DSCAM: variants seen among roughly 807,000 people sequenced by gnomAD.
DSCAM encodes cell adhesion molecule DSCAM.
In DSCAM, 47 loss-of-function variants were observed where a neutral mutation model predicts 217.7. The observed-to-expected ratio is 0.22, with a 90% CI of 0.17 to 0.28. DSCAM has a LOEUF of 0.28. Ranked by LOEUF, DSCAM falls within the 10% of genes least tolerant of loss-of-function variation. DSCAM has a pLI of 1.00. For synonymous variants in DSCAM, 1,056 were observed against 1,015.3 expected (o/e 1.04, Z -0.76); for missense variants, 2,080 against 2,618.3 (o/e 0.79, Z 4.49).
chr21:40,174,340 T>A (rs1476816901), intron 15 of DSCAM, among the ~76,000 whole-genome samples: 1 of 152,154 alleles, frequency 6.6e-6, no homozygotes, highest in African/African-American at 2.4e-5. Flanking sequence ...GTTGGAGCAA[T>A]GAGATTTCCC....
chr21:40,520,853 T>G (rs1375926449), intron 3 of DSCAM, among the ~76,000 whole-genome samples: 1 of 152,114 alleles, frequency 6.6e-6, no homozygotes, highest in Non-Finnish European at 1.5e-5. Context: ...TGTGATGTAG[T>G]GTGTATATAA....
intron 11 of DSCAM, among the ~76,000 whole-genome samples, chr21:40,221,748 A>G (rs1226373678): frequency 6.6e-6 from 1 of 152,178 alleles, no homozygotes; most frequent in Non-Finnish European, 1.5e-5. Flanking sequence ...TGGTCTTCAC[A>G]ATTGTCCGTC....
intron 10 of DSCAM, among the ~76,000 whole-genome samples, chr21:40,286,086 G>A (rs1358951472): frequency 1.3e-5 from 2 of 152,190 alleles, no homozygotes; most frequent in Non-Finnish European, 2.9e-5. Context: ...GTGTGCAGAT[G>A]CACAGGCAGG....
intron 1 of DSCAM, among the ~76,000 whole-genome samples, chr21:40,821,085 T>TAGAGAGATATATATATCTTCAC (rs2091921709): frequency 2.1e-5 from 3 of 146,230 alleles, no homozygotes; most frequent in East Asian, 2.0e-4. Context: ...GATCTTCACA[T>TAGAGAGATATATATATCTTCAC]ATATAGAGAG....
intron 3 of DSCAM, among the ~76,000 whole-genome samples, chr21:40,670,797 G>A (rs2090264557): frequency 6.6e-6 from 1 of 152,164 alleles, no homozygotes; most frequent in Non-Finnish European, 1.5e-5. Context: ...CTATGAACAT[G>A]GGTGTACAAA....
At chr21:40,055,896 C>T (rs896349597) in intron 28 of DSCAM, 56 bp from the exon 29 acceptor site, 2 of 1,300,072 alleles carry the variant, frequency 1.5e-6, no homozygotes, top group Middle Eastern at 3.7e-4. Context: ...TAACATTCTA[C>T]CAACATGCAC....
chr21:40,547,913 C>T (rs562980077), intron 3 of DSCAM, among the ~76,000 whole-genome samples: 5 of 152,306 alleles, frequency 3.3e-5, no homozygotes, highest in Middle Eastern at 3.4e-3. Flanking sequence ...ACAGACACTG[C>T]GCAGTGTCCC....
intron 11 of DSCAM, among the ~76,000 whole-genome samples, chr21:40,239,469 A>G (rs1196032651): frequency 6.6e-6 from 1 of 152,214 alleles, no homozygotes; most frequent in Admixed American, 6.5e-5. Flanking sequence ...AGCAACGATG[A>G]AAGAAGAGGC....
At position 40,387,321 on chromosome 21, in the gene DSCAM, G is replaced by A. The variant is rs2075095862; in HGVS notation, c.509-18076C>T. 2.6e-5 allele frequency among the ~76,000 whole-genome samples: 4 copies of A among 151,546 alleles called. No individual in the cohort carries two copies. In the South Asian group the frequency reaches 8.3e-4, roughly 32 times the overall value. On this transcript the variant is annotated intron_variant, in intron 3 of 32. Transcript: ENST00000400454. ...TTAGTCCTACACAAGTCCTACACAAGAGAAGTCTGCAGAAAAGTACAACTT... is the reference window on the plus strand; with the variant it reads ...TTAGTCCTACACAAGTCCTACACAAAAGAAGTCTGCAGAAAAGTACAACTT...
chr21:40,227,437 G>T (rs1430007468), intron 11 of DSCAM, among the ~76,000 whole-genome samples: 1 of 152,204 alleles, frequency 6.6e-6, no homozygotes, highest in Non-Finnish European at 1.5e-5. Flanking sequence ...CAAGACTGAG[G>T]CTGATAGGAA....
intron 1 of DSCAM, among the ~76,000 whole-genome samples, chr21:40,792,730 A>G (rs2091656995): frequency 6.6e-6 from 1 of 152,142 alleles, no homozygotes; most frequent in South Asian, 2.1e-4. Context: ...AGAGGAGGGG[A>G]CCCACATAGG....
chr21:40,650,511 G>A (rs1007224925), intron 3 of DSCAM, among the ~76,000 whole-genome samples: 6 of 152,230 alleles, frequency 3.9e-5, no homozygotes, highest in South Asian at 4.1e-4. Flanking sequence ...CTTCAGCCAC[G>A]TGGGCTGGCG....
intron 1 of DSCAM, among the ~76,000 whole-genome samples, chr21:40,710,604 A>G (rs1422177640): frequency 6.6e-6 from 1 of 152,136 alleles, no homozygotes; most frequent in Non-Finnish European, 1.5e-5. Flanking sequence ...TCGCTTCTAC[A>G]AGTAAATATC....
chr21:40,626,102 A>G (rs1018660891), intron 3 of DSCAM, among the ~76,000 whole-genome samples: 15 of 152,124 alleles, frequency 9.9e-5, no homozygotes, highest in Non-Finnish European at 1.6e-4. Flanking sequence ...AAATTAATAT[A>G]AGACCGATTC....
chr21:40,417,052 A>G (rs919346976), intron 3 of DSCAM, among the ~76,000 whole-genome samples: 2 of 152,180 alleles, frequency 1.3e-5, no homozygotes, highest in African/African-American at 4.8e-5. Flanking sequence ...GCATCTGACT[A>G]TATCTGTAAC....
At chr21:40,503,989 A>G (rs1252076201) in intron 3 of DSCAM, among the ~76,000 whole-genome samples, 1 of 152,186 alleles carries the variant, frequency 6.6e-6, no homozygotes, top group Non-Finnish European at 1.5e-5. Context: ...TTCATCAGAA[A>G]GATGCTATTG....
At position 40,708,488 on chromosome 21, in the gene DSCAM, C is replaced by T; in HGVS notation, c.327G>A (p.Gly109=). The change falls in exon 2 of 33, where the codon GGG becomes GGA. Residue 109 remains glycine, a synonymous_variant. Coordinates refer to ENST00000400454, the MANE Select transcript of DSCAM (RefSeq NM_001389.5). ...TGTGGACATCCTGACTTCTAATTTT[C>T]CCTGAAGGATTTTCAGCTGTGCAAT... The part of the protein sequence containing the change: ...TYYCTAENPS[G]KIRSQDVHIK... 1 of 1,511,224 alleles carries T rather than the reference C, an allele frequency of 6.6e-7. No homozygotes were observed. The allele number at this position is 1,511,224 out of a possible 1,614,324, so 93.6% of individuals were successfully genotyped here.
intron 1 of DSCAM, among the ~76,000 whole-genome samples, chr21:40,713,724 CACT>C (rs1244702470): frequency 6.6e-6 from 1 of 152,148 alleles, no homozygotes; most frequent in Non-Finnish European, 1.5e-5. Context: ...TGCATTTTAG[CACT>C]ACATCTTGTT....
intron 11 of DSCAM, among the ~76,000 whole-genome samples, chr21:40,274,068 C>T (rs1195372172): frequency 6.6e-6 from 1 of 152,184 alleles, no homozygotes; most frequent in African/African-American, 2.4e-5. Flanking sequence ...CTCTGTTCCA[C>T]CAGTTGTGTA....
Sources: gnomAD v4.1 joint callset for allele counts (sites outside exome capture counted in the v4.1 genomes callset) on GRCh38, gnomAD v4.1.1 for gene constraint, MANE v1.5 for transcripts, NCBI Gene and HGNC (gene_info 2026-07-23, HGNC 2026-07-21) for gene names.